Variants in PDZD8 observed in about 807,000 individuals in gnomAD.
The protein encoded by PDZD8 is PDZ domain containing 8.
PDZD8 carries 14 observed loss-of-function variants against 85.8 expected under a neutral mutation model. The ratio of observed to expected loss-of-function variants is 0.16; its 90% confidence interval spans 0.11 to 0.26. The LOEUF (loss-of-function observed/expected upper bound fraction) is 0.26, where lower values mean the gene tolerates loss of function less well. Ranked by LOEUF, PDZD8 falls within the 10% of genes least tolerant of loss-of-function variation. The pLI is 1.00. For missense variants in PDZD8, 1,197 were observed against 1,424.3 expected, an observed-to-expected ratio of 0.84 and a Z score of 2.57; for synonymous variants, 592 against 568.6, an observed-to-expected ratio of 1.04 and a Z score of -0.59.
At chr10:117,357,766 C>CA (rs767138640) in intron 1 of PDZD8, among the ~76,000 whole-genome samples, 1 of 47,472 alleles carries the variant, frequency 2.1e-5, no homozygotes, top group East Asian at 7.1e-4. Context: ...ACTTCATCTC[C>CA]AAAAAAAAAA....
chr10:117,374,541 C>T lies in PDZD8; in HGVS notation c.687G>A (p.Leu229=). ...FVKLSRVVGR[L]RLVFTRVPFT... is the part of the protein sequence containing the mutation. ...AGGGCACGCGCGTAAAGACCAAGCG[C>T]AGCCTTCCCACCACGCGGGACAGCT... The change falls in exon 1 of 5, where the codon CTG becomes CTA. Residue 229 remains leucine (L), a synonymous_variant. Transcript: ENST00000334464. This position sits in a 1 kb window ranked among gnomAD's most constrained non-coding sequence, Gnocchi z 7.8. 6.2e-7 allele frequency: 1 copy of T among 1,607,546 alleles called. No individual in the cohort carries two copies. The highest frequency in any genetic ancestry group is 8.5e-7 in the Non-Finnish European group (1 of 1,176,986).
chr10:117,315,513 C>T (rs1844108393), intron 3 of PDZD8, among the ~76,000 whole-genome samples: 1 of 146,326 alleles, frequency 6.8e-6, no homozygotes. Context: ...GAGAACTGAT[C>T]CAGGAGGTGG....
chr10:117,328,308 C>T (rs956079624), intron 2 of PDZD8, among the ~76,000 whole-genome samples: 3 of 152,184 alleles, frequency 2.0e-5, no homozygotes, highest in Non-Finnish European at 4.4e-5. Context: ...TTCCTTCAAC[C>T]AGCAGTGGCT....
At chr10:117,349,404 G>C (rs192176790) in intron 1 of PDZD8, among the ~76,000 whole-genome samples, 44 of 152,310 alleles carry the variant, frequency 2.9e-4, no homozygotes, top group African/African-American at 1.0e-3. Context: ...ACATAAATCT[G>C]CATATTAGAC....
intron 2 of PDZD8, among the ~76,000 whole-genome samples, chr10:117,323,283 TG>T (rs1326543014): frequency 2.6e-5 from 4 of 152,268 alleles, no homozygotes; most frequent in African/African-American, 7.2e-5. Context: ...AAAGATTCAT[TG>T]CAAAAAGCTA....
At chr10:117,342,074 A>C (rs1234210957) in intron 1 of PDZD8, among the ~76,000 whole-genome samples, 1 of 152,234 alleles carries the variant, frequency 6.6e-6, no homozygotes, top group Admixed American at 6.5e-5. Context: ...TGGCAAAACC[A>C]GAATTCAAGC....
chr10:117,282,284 A>G lies in PDZD8; in HGVS notation c.*984T>C, dbSNP rs2133755012. 6.6e-6 allele frequency: 1 copy of G among 152,316 alleles called. No homozygotes were observed. The highest frequency in any genetic ancestry group is 1.9e-4 in the East Asian group (1 of 5,182). The allele number at this position is 152,316 out of a possible 1,614,324, so 9.4% of individuals were successfully genotyped here. On this transcript the variant is annotated 3_prime_UTR_variant, in exon 5 of 5. Coordinates refer to ENST00000334464, the MANE Select transcript of PDZD8 (RefSeq NM_173791.5). ...TAGTTATCAACACAGTCATTTTAAA[A>G]AGAGTCCTCCAAAACTTTAAATACC...
chr10:117,323,491 AGTAACTT>A (rs1218395058), intron 2 of PDZD8, among the ~76,000 whole-genome samples: 1 of 152,170 alleles, frequency 6.6e-6, no homozygotes, highest in East Asian at 1.9e-4. Flanking sequence ...ATGATCCCCC[AGTAACTT>A]ATACTTCCTG....
intron 2 of PDZD8, among the ~76,000 whole-genome samples, chr10:117,329,119 T>C (rs1844371529): frequency 6.6e-6 from 1 of 152,218 alleles, no homozygotes; most frequent in Admixed American, 6.5e-5. Context: ...AATTATATAA[T>C]GACCAGAAGC....
chr10:117,284,239 C>T lies in PDZD8; in HGVS notation c.2494G>A (p.Gly832Arg). Residue 832 changes from glycine (G) to arginine (R), a missense_variant, in exon 5 of 5, where the codon GGA becomes AGA. This residue lies in a region of PDZD8 where 418 missense variants were observed against 571.1 expected (regional missense o/e 0.73). Coordinates refer to ENST00000334464, the MANE Select transcript of PDZD8 (RefSeq NM_173791.5). ...TTGTTTTCTGTTAAACCCATCTGTC[C>T]AACAAATTGCTCCTCTTTAGGGAGA... ...SVLPKEEQFV[G>R]QMGLTENKHS... The T allele has an allele frequency of 1.2e-6, 2 of 1,614,126 alleles. No homozygotes were observed. Among genetic ancestry groups the T allele is most frequent in the South Asian group, 2.2e-5 (2 of 91,076 alleles).
chr10:117,365,027 A>G (rs1441611791), intron 1 of PDZD8, among the ~76,000 whole-genome samples: 1 of 152,020 alleles, frequency 6.6e-6, no homozygotes, highest in African/African-American at 2.4e-5. Flanking sequence ...TTAGGTTTAG[A>G]CCTCAAACTT....
intron 1 of PDZD8, among the ~76,000 whole-genome samples, chr10:117,363,269 TATGA>T (rs1449253834): frequency 6.6e-6 from 1 of 152,138 alleles, no homozygotes; most frequent in Non-Finnish European, 1.5e-5. Context: ...ATCCCGTATG[TATGA>T]AAGACTATTG....
chr10:117,368,878 GAC>G (rs1564715676), intron 1 of PDZD8, among the ~76,000 whole-genome samples: 1 of 97,792 alleles, frequency 1.0e-5, no homozygotes, highest in African/African-American at 3.9e-5. Flanking sequence ...TTTTTTTTGA[GAC>G]AGTCTCACTC....
At chr10:117,363,387 A>G (rs892857286) in intron 1 of PDZD8, among the ~76,000 whole-genome samples, 1 of 152,112 alleles carries the variant, frequency 6.6e-6, no homozygotes, top group East Asian at 1.9e-4. Context: ...GAACATAGTC[A>G]TTTTTCAAAA....
At chr10:117,332,833 A>G (rs1844443520) in intron 2 of PDZD8, among the ~76,000 whole-genome samples, 1 of 148,780 alleles carries the variant, frequency 6.7e-6, no homozygotes, top group South Asian at 2.3e-4. Context: ...AAAAAAGGAT[A>G]TGGGCCAGGC....
chr10:117,287,471 C>A (rs1394309495), intron 4 of PDZD8, among the ~76,000 whole-genome samples: 1 of 152,188 alleles, frequency 6.6e-6, no homozygotes, highest in Non-Finnish European at 1.5e-5. Context: ...CTGGACATCA[C>A]CACCTGGATG....
Position 117,284,857 on chromosome 10 carries a change from G to A in PDZD8, c.1876C>T (p.Pro626Ser), listed in dbSNP as rs868392114. 1.9e-6 allele frequency: 3 copies of A among 1,614,050 alleles called. No homozygotes were observed. In the African/African-American group the frequency reaches 4.0e-5, roughly 22 times the overall value. Reference sequence around the variant, plus strand: ...TTTTCAGCAGATTTATCTACAAGAGGAGGTGGCACCACCTTCTCTGGCTTT... The same window carrying A: ...TTTTCAGCAGATTTATCTACAAGAGAAGGTGGCACCACCTTCTCTGGCTTT... ...VEKPEKVVPP[P>S]LVDKSAEKQA... Residue 626 changes from proline to serine, a missense_variant, in exon 5 of 5, where the codon CCT (proline) becomes TCT (serine). Physicochemically the swap from Pro to Ser is moderately conservative, Grantham distance 74 (BLOSUM62 -1). This residue lies in a region of PDZD8 where 263 missense variants were observed against 261.9 expected (regional missense o/e 1.00). Transcript: ENST00000334464.
rs1004486016 is a variant in PDZD8 at position 117,284,110 on chromosome 10, C to T, written c.2623G>A (p.Val875Ile). 3.1e-6 allele frequency: 5 copies of T among 1,614,036 alleles called. No individual in the cohort carries two copies. Among genetic ancestry groups the T allele is most frequent in the Non-Finnish European group, 4.2e-6 (5 of 1,180,032 alleles). The change falls in exon 5 of 5, where the codon GTT (valine) becomes ATT (isoleucine). Residue 875 changes from valine to isoleucine, a missense_variant. Transcript: ENST00000334464. ...AASQCMFCAYVCHKKCQEKCL... is the reference protein window; with the variant it reads ...AASQCMFCAYICHKKCQEKCL... ...TTTTCTTGACATTTTTTATGGCAAA[C>T]ATAAGCACAAAACATACACTGGGAA...
Position 117,283,425 on chromosome 10 carries a change from G to A in PDZD8, c.3308C>T (p.Thr1103Ile). Residue 1103 changes from threonine (T) to isoleucine (I), a missense_variant, in exon 5 of 5, where the codon ACT becomes ATT. By Grantham distance (89) the Thr-to-Ile change is moderately conservative. Coordinates refer to ENST00000334464, the MANE Select transcript of PDZD8 (RefSeq NM_173791.5). Reference protein sequence around the residue: ...HYRAGIEDIETLESLSLDQHS... With the variant: ...HYRAGIEDIEILESLSLDQHS... ...CTGGTCTAAAGACAGACTTTCTAAA[G>A]TTTCTATATCTTCAATGCCTGCTCT... The A allele has an allele frequency of 6.2e-7, 1 of 1,614,048 alleles. No homozygotes were observed. Among genetic ancestry groups the A allele is most frequent in the Non-Finnish European group, 8.5e-7 (1 of 1,179,950 alleles).
Sources: gnomAD v4.1 joint callset for allele counts (sites outside exome capture counted in the v4.1 genomes callset) on GRCh38, gnomAD v4.1.1 for gene constraint, gnomAD v4.1.1 regional missense constraint, Gnocchi (gnomAD v3.1) non-coding constraint, MANE v1.5 for transcripts, NCBI Gene and HGNC (gene_info 2026-07-23, HGNC 2026-07-21) for gene names.